Variants in NACC1 observed in about 807,000 individuals in gnomAD.
NACC1 encodes the protein nucleus accumbens-associated protein 1.
NACC1 carries 6 observed loss-of-function variants against 41.7 expected under a neutral mutation model. The ratio of observed to expected loss-of-function variants is 0.14; its 90% CI spans 0.08 to 0.28. NACC1 has a LOEUF of 0.28. Ranked by LOEUF, NACC1 falls within the 10% of genes least tolerant of loss-of-function variation. The pLI is 1.00. For missense variants in NACC1, 434 were observed against 763.7 expected, an observed-to-expected ratio of 0.57 and a Z score of 5.09; for synonymous variants, 338 against 330.6, an observed-to-expected ratio of 1.02 and a Z score of -0.24.
intron 1 of NACC1, among the ~76,000 whole-genome samples, chr19:13,127,700 A>G (rs1279404995): frequency 1.3e-5 from 2 of 151,516 alleles, no homozygotes; most frequent in African/African-American, 4.9e-5. Context: ...AAAGAAAAAA[A>G]AAAATTAGCT....
intron 1 of NACC1, chr19:13,132,555 C>G (rs1599994671): frequency 1.3e-5 from 2 of 152,008 alleles, no homozygotes; most frequent in East Asian, 3.9e-4. Context: ...CTCAGTTTTT[C>G]CAGCTTTGCA....
rs1364795057 is a variant in NACC1 at position 13,139,381 on chromosome 19, A to T, written c.*975A>T. On this transcript the variant is annotated 3_prime_UTR_variant, in exon 6 of 6. Transcript: ENST00000292431. ...AGCGAATGAAATATTGAAGTATAAG[A>T]TTCCTTTTATTTTTCAAACCAATGG... The T allele has an allele frequency of 6.6e-6, 1 of 151,648 alleles. No homozygotes were observed. 9.4% of individuals were successfully genotyped at this position (151,648 alleles called of 1,614,324 possible).
At chr19:13,129,010 T>C (rs1252440405) in intron 1 of NACC1, among the ~76,000 whole-genome samples, 1 of 151,916 alleles carries the variant, frequency 6.6e-6, no homozygotes, top group East Asian at 1.9e-4. Context: ...CCTTGGGGAG[T>C]TTATAGTCAA....
At chr19:13,133,134 C>G (rs1387288122) in intron 1 of NACC1, among the ~76,000 whole-genome samples, 1 of 152,158 alleles carries the variant, frequency 6.6e-6, no homozygotes, top group African/African-American at 2.4e-5. Context: ...GTGTGCATTC[C>G]TGCACCAGGG....
chr19:13,123,129 C>T (rs1423419559), intron 1 of NACC1, among the ~76,000 whole-genome samples: 1 of 152,186 alleles, frequency 6.6e-6, no homozygotes, highest in Non-Finnish European at 1.5e-5. Flanking sequence ...AGGCCCCTCT[C>T]CCAGGATGAT....
intron 1 of NACC1, among the ~76,000 whole-genome samples, chr19:13,126,906 T>C (rs1024464378): frequency 6.6e-6 from 1 of 151,810 alleles, no homozygotes; most frequent in Non-Finnish European, 1.5e-5. Context: ...ACAGGCAAAC[T>C]CCCTGCCCCA....
At chr19:13,125,261 T>C (rs539545457) in intron 1 of NACC1, among the ~76,000 whole-genome samples, 5 of 152,220 alleles carry the variant, frequency 3.3e-5, no homozygotes, top group Admixed American at 3.3e-4. Context: ...GCAGATTCCG[T>C]GTCTAGTGAG....
chr19:13,127,400 T>TTTTTTTTTTTTTTTTTTTTTTTTTTTC (rs1245933408), intron 1 of NACC1, among the ~76,000 whole-genome samples: 2 of 100,828 alleles, frequency 2.0e-5, no homozygotes, highest in African/African-American at 7.8e-5. Context: ...TTTTTTTTTT[T>TTTTTTTTTTTTTTTTTTTTTTTTTTTC]CGGTTAACTG....
intron 1 of NACC1, among the ~76,000 whole-genome samples, chr19:13,134,493 C>G (rs2019674125): frequency 6.6e-6 from 1 of 152,136 alleles, no homozygotes; most frequent in African/African-American, 2.4e-5. Context: ...GCTTCAGCCT[C>G]CCTAGTAGCT....
intron 1 of NACC1, among the ~76,000 whole-genome samples, chr19:13,128,609 C>T (rs985649040): frequency 6.6e-6 from 1 of 152,328 alleles, no homozygotes; most frequent in South Asian, 2.1e-4. Context: ...CCACTACTGC[C>T]CTTCCTAGAT....
Position 13,136,309 on chromosome 19 carries a change from T to G in NACC1, c.1024T>G (p.Ser342Ala), listed in dbSNP as rs1273337609. 3 of 1,613,952 alleles carry G rather than the reference T, an allele frequency of 1.9e-6. No individual in the cohort carries two copies. In the South Asian group the frequency reaches 3.3e-5, roughly 18 times the overall value. The change falls in exon 3 of 6, where the codon TCT (serine) becomes GCT (alanine). Residue 342 changes from serine (S) to alanine (A), a missense_variant. This residue lies in a region of NACC1 where 234 missense variants were observed against 308.3 expected (regional missense o/e 0.76). Coordinates refer to ENST00000292431, the MANE Select transcript of NACC1 (RefSeq NM_052876.4). The surrounding 1 kb of genome is among the most constrained non-coding windows in gnomAD (Gnocchi z 5.5). ...CATCCGGGTTCGGCAAGACCTGGCG[T>G]CTCTCCCGGCTGAACTTATCAACCA... is the stretch of plus-strand genomic sequence containing the variant. ...NRIRVRQDLA[S>A]LPAELINQIG... is the part of the protein sequence containing the mutation.
intron 1 of NACC1, among the ~76,000 whole-genome samples, chr19:13,118,826 C>G (rs1599977516): frequency 8.1e-6 from 1 of 123,644 alleles, no homozygotes; most frequent in East Asian, 2.7e-4. Flanking sequence ...GAGTCGGGCT[C>G]CGGCCAGGCC....
At chr19:13,123,709 CGGGGTT>C (rs2019528278) in intron 1 of NACC1, among the ~76,000 whole-genome samples, 2 of 152,162 alleles carry the variant, frequency 1.3e-5, no homozygotes, top group Non-Finnish European at 2.9e-5. Flanking sequence ...TCGGCCGGTC[CGGGGTT>C]CCCGTCTGGT....
Position 13,136,913 on chromosome 19 carries a change from G to T in NACC1, c.1121-358G>T, listed in dbSNP as rs1174225283. Among the ~76,000 whole-genome samples, 1 of 152,178 alleles carries T rather than the reference G, an allele frequency of 6.6e-6. No homozygotes were observed. Among genetic ancestry groups the T allele is most frequent in the Non-Finnish European group, 1.5e-5 (1 of 68,026 alleles). ...TCCTTGGGTCAGAGTGCCTAGGTGT[G>T]AGCCTCCACTCCCTGTTGGTCCTGC... On this transcript the variant is annotated intron_variant, in intron 3 of 5. Coordinates refer to ENST00000292431, the MANE Select transcript of NACC1 (RefSeq NM_052876.4). This position sits in a 1 kb window ranked among gnomAD's most constrained non-coding sequence, Gnocchi z 5.5.
At chr19:13,119,430 GC>G (rs2019460243) in intron 1 of NACC1, among the ~76,000 whole-genome samples, 3 of 152,108 alleles carry the variant, frequency 2.0e-5, no homozygotes, top group Non-Finnish European at 4.4e-5. Context: ...TCACAAGGTG[GC>G]CCTTGCCCAC....
chr19:13,118,737 C>T (rs995707473), intron 1 of NACC1, among the ~76,000 whole-genome samples: 5 of 149,160 alleles, frequency 3.4e-5, no homozygotes, highest in African/African-American at 1.2e-4. Flanking sequence ...TACCGGGGAT[C>T]CGGGGAAGTT....
Position 13,135,630 on chromosome 19 carries a change from G to A in NACC1, c.423G>A (p.Ser141=), listed in dbSNP as rs763209242. ...TGCATGCGGAGGAGGCCCCATCGTC[G>A]GAGCCCCAGAGCCCCGTGGCGCAGA... The part of the protein sequence containing the change: ...QGLHAEEAPS[S]EPQSPVAQTS... Residue 141 remains serine, a synonymous_variant, in exon 2 of 6, where the codon TCG becomes TCA. Transcript: ENST00000292431. 3.2e-6 allele frequency: 5 copies of A among 1,573,598 alleles called. No homozygotes were observed. Among genetic ancestry groups the A allele is most frequent in the East Asian group, 2.3e-5 (1 of 42,982 alleles).
chr19:13,122,529 G>GT (rs1483527596), intron 1 of NACC1, among the ~76,000 whole-genome samples: 1 of 150,874 alleles, frequency 6.6e-6, no homozygotes, highest in Non-Finnish European at 1.5e-5. Context: ...CTGCCGGGGG[G>GT]GGGGGGGTGT....
chr19:13,130,419 G>A (rs903877364), intron 1 of NACC1, among the ~76,000 whole-genome samples: 2 of 151,758 alleles, frequency 1.3e-5, no homozygotes, highest in African/African-American at 4.8e-5. Context: ...TATTTACTGA[G>A]CATCTATTTC....
Sources: allele counts gnomAD v4.1 joint callset (sites outside exome capture counted in the v4.1 genomes callset), GRCh38; gene constraint gnomAD v4.1.1; regional missense constraint gnomAD v4.1.1; non-coding constraint Gnocchi (gnomAD v3.1); transcripts MANE v1.5; gene names NCBI Gene and HGNC (gene_info 2026-07-23, HGNC 2026-07-21).